Variants in SLC27A6 observed in about 807,000 individuals in gnomAD.
SLC27A6 encodes solute carrier family 27 member 6.
A neutral mutation model predicts 63.9 loss-of-function variants in SLC27A6; 74 were observed. The ratio of observed to expected loss-of-function variants is 1.16; its 90% confidence interval spans 0.96 to 1.40. SLC27A6 has a LOEUF of 1.40. SLC27A6 is among the 40% of genes most tolerant of loss of function. The pLI is 0.00. For missense variants in SLC27A6, 794 were observed against 732.9 expected, an observed-to-expected ratio of 1.08 and a Z score of -0.96; for synonymous variants, 287 against 260.8, an observed-to-expected ratio of 1.10 and a Z score of -0.97.
chr5:129,026,099 C>T (rs2150155028), intron 6 of SLC27A6, among the ~76,000 whole-genome samples: 1 of 152,292 alleles, frequency 6.6e-6, no homozygotes, highest in South Asian at 2.1e-4. Context: ...CATGCCACTT[C>T]ACTCCAGCCT....
chr5:129,010,685 C>T (rs1341405671), intron 4 of SLC27A6, among the ~76,000 whole-genome samples: 1 of 152,124 alleles, frequency 6.6e-6, no homozygotes, highest in Non-Finnish European at 1.5e-5. Flanking sequence ...GTCCTACACC[C>T]TCCAGAAACT....
chr5:128,979,680 G>T (rs257902), intron 1 of SLC27A6, among the ~76,000 whole-genome samples: 1 of 151,774 alleles, frequency 6.6e-6, no homozygotes, highest in Non-Finnish European at 1.5e-5. Flanking sequence ...TGAAGTGTTC[G>T]ACTTTTTCTT....
intron 4 of SLC27A6, among the ~76,000 whole-genome samples, chr5:129,004,367 T>G (rs1389175926): frequency 6.6e-6 from 1 of 152,160 alleles, no homozygotes; most frequent in Non-Finnish European, 1.5e-5. Flanking sequence ...TCTCTCACCT[T>G]TTTCTCTTGT....
chr5:128,985,324 T>C lies in SLC27A6; in HGVS notation c.673T>C (p.Ser225Pro). The C allele has an allele frequency of 6.2e-7, 1 of 1,613,786 alleles. No individual in the cohort carries two copies. The highest frequency in any genetic ancestry group is 8.5e-7 in the Non-Finnish European group (1 of 1,179,748). The change falls in exon 2 of 10, where the codon TCT becomes CCT. Residue 225 changes from serine to proline, a missense_variant. Transcript: ENST00000262462. ...GTCTACTTGTCTTTACATTTTTACC[T>C]CTGGAACAACAGGTATGATCCAATT... ...LKSTCLYIFTSGTTGLPKAAV... is the reference protein window; with the variant it reads ...LKSTCLYIFTPGTTGLPKAAV...
At chr5:128,998,233 A>C (rs1751224311) in intron 4 of SLC27A6, among the ~76,000 whole-genome samples, 1 of 152,076 alleles carries the variant, frequency 6.6e-6, no homozygotes, top group Non-Finnish European at 1.5e-5. Flanking sequence ...TTGAAGCTGC[A>C]GTGAGCTATG....
At chr5:128,978,451 G>A (rs1004010384) in intron 1 of SLC27A6, among the ~76,000 whole-genome samples, 3 of 152,132 alleles carry the variant, frequency 2.0e-5, no homozygotes, top group African/African-American at 7.2e-5. Flanking sequence ...TTAGCCTTGA[G>A]TACATGGCAA....
rs1263953542 is a variant in SLC27A6, at chr5:129,027,288, G to T, written c.1411G>T (p.Asp471Tyr). 6.2e-7 allele frequency: 1 copy of T among 1,613,106 alleles called. No homozygotes were observed. The highest frequency in any genetic ancestry group is 2.2e-5 in the East Asian group (1 of 44,838). Residue 471 changes from aspartate (D) to tyrosine (Y), a missense_variant, in exon 7 of 10, where the codon GAC (aspartate) becomes TAC (tyrosine). Asp to Tyr is a radical substitution (Grantham distance 160, BLOSUM62 -3). Transcript: ENST00000262462. ...NTGDLIVQDQ[D>Y]NFLYFWDRTG... ...TGGAGACTTAATAGTCCAGGATCAG[G>T]ACAATTTCCTTTATTTTTGGGACCG...
chr5:128,966,131 T>C lies in SLC27A6; in HGVS notation c.-7T>C. The C allele has an allele frequency of 6.5e-7, 1 of 1,529,564 alleles. No individual in the cohort carries two copies. The highest frequency in any genetic ancestry group is 1.3e-5 in the South Asian group (1 of 76,102). 94.7% of individuals were successfully genotyped at this position (1,529,564 alleles called of 1,614,324 possible). A position where few individuals can be genotyped will look rare whatever the true frequency, so the allele number is the denominator to read the frequency against. On this transcript the variant is annotated 5_prime_UTR_variant, in exon 1 of 10. Transcript: ENST00000262462. ...GATCAGAGCTGTCTTCTGGCCCAGTTGCCCCCATGCTTCTGTCATGGCTAA... is the reference window on the plus strand; with the variant it reads ...GATCAGAGCTGTCTTCTGGCCCAGTCGCCCCCATGCTTCTGTCATGGCTAA...
At chr5:128,993,309 TCCAAGGCCCA>T (rs1751040924) in intron 4 of SLC27A6, among the ~76,000 whole-genome samples, 1 of 152,140 alleles carries the variant, frequency 6.6e-6, no homozygotes. Context: ...CAGGCCAATT[TCCAAGGCCCA>T]CCCTTTCAAA....
intron 3 of SLC27A6, among the ~76,000 whole-genome samples, chr5:128,989,354 C>A (rs1470551901): frequency 2.0e-5 from 3 of 152,122 alleles, no homozygotes; most frequent in African/African-American, 7.2e-5. Flanking sequence ...AGATTCCATT[C>A]ATAAACATGC....
At chr5:129,006,161 C>A (rs539466985) in intron 4 of SLC27A6, among the ~76,000 whole-genome samples, 54 of 136,892 alleles carry the variant, frequency 3.9e-4, no homozygotes, top group Non-Finnish European at 7.7e-4. Flanking sequence ...TCACTGCAAG[C>A]TCCACCTCCT....
intron 5 of SLC27A6, among the ~76,000 whole-genome samples, chr5:129,020,798 A>C (rs565365210): frequency 3.5e-4 from 53 of 152,062 alleles, no homozygotes; most frequent in Non-Finnish European, 6.2e-4. Context: ...TAATTTGCTA[A>C]AAGGACTCAC....
At position 128,990,449 on chromosome 5, in the gene SLC27A6, T is replaced by C; in HGVS notation, c.954T>C (p.Leu318=). The C allele has an allele frequency of 6.2e-7, 1 of 1,612,922 alleles. No individual in the cohort carries two copies. Among genetic ancestry groups the C allele is most frequent in the Non-Finnish European group, 8.5e-7 (1 of 1,179,694 alleles). ...ATATTGGAGAACTTTGTCGCTACCT[T>C]TGCAAACAATCTAAGGTAGGCGTAA... is the stretch of plus-strand genomic sequence containing the variant. ...FQYIGELCRY[L]CKQSKREGEK... The change falls in exon 4 of 10, where the codon CTT becomes CTC. Residue 318 remains leucine (L), a synonymous_variant. Coordinates refer to ENST00000262462, the MANE Select transcript of SLC27A6 (RefSeq NM_001017372.3).
intron 9 of SLC27A6, among the ~76,000 whole-genome samples, chr5:129,032,788 C>G (rs1036666121): frequency 6.6e-6 from 1 of 151,858 alleles, no homozygotes; most frequent in South Asian, 2.1e-4. Context: ...TTATGGCATT[C>G]TCTATACATA....
chr5:129,018,222 A>G lies in SLC27A6; in HGVS notation c.1164+2143A>G, dbSNP rs561549411. On this transcript the variant is annotated intron_variant, in intron 5 of 9. Coordinates refer to ENST00000262462, the MANE Select transcript of SLC27A6 (RefSeq NM_001017372.3). ...ATGCGAACTTTGGTGCTTTTTTGTC[A>G]CTTTCATCCCTAACTGCTTTAGTTT... Among the ~76,000 whole-genome samples the G allele has an allele frequency of 2.0e-5, 3 of 152,228 alleles. No individual in the cohort carries two copies. The East Asian group carries it at 5.8e-4, about 29-fold the overall frequency.
chr5:129,000,103 C>T (rs1751285318), intron 4 of SLC27A6, among the ~76,000 whole-genome samples: 1 of 152,138 alleles, frequency 6.6e-6, no homozygotes, highest in African/African-American at 2.4e-5. Context: ...TTCTCATCAG[C>T]TTGCTGAAGA....
intron 5 of SLC27A6, among the ~76,000 whole-genome samples, chr5:129,021,215 C>T (rs1182410698): frequency 6.7e-6 from 1 of 150,242 alleles, no homozygotes; most frequent in East Asian, 1.9e-4. Context: ...AAATGTACTA[C>T]TCTATTAAGA....
rs773168058 is a variant in SLC27A6, at chr5:129,019,158, T to A, written c.1164+3079T>A. On this transcript the variant is annotated intron_variant, in intron 5 of 9. Transcript: ENST00000262462. ...CATTGTCTTTATGTGCTACACTTAC[T>A]ATTTTAATGCATAAAACTGAAGAGA... 5.3e-5 allele frequency among the ~76,000 whole-genome samples: 8 copies of A among 152,110 alleles called. 1 individual carries two copies. The highest frequency in any genetic ancestry group is 1.2e-4 in the Non-Finnish European group (8 of 67,978).
intron 1 of SLC27A6, among the ~76,000 whole-genome samples, chr5:128,975,175 AC>A (rs1175590092): frequency 6.6e-6 from 1 of 152,076 alleles, no homozygotes; most frequent in Non-Finnish European, 1.5e-5. Context: ...ACATGGCAAA[AC>A]CCCGTCTCTA....
Sources: allele counts gnomAD v4.1 joint callset (sites outside exome capture counted in the v4.1 genomes callset), GRCh38; gene constraint gnomAD v4.1.1; transcripts MANE v1.5; gene names NCBI Gene and HGNC (gene_info 2026-07-23, HGNC 2026-07-21).